DIAPH1: variants seen among roughly 807,000 people sequenced by gnomAD.
DIAPH1 encodes diaphanous related formin 1.
DIAPH1 carries 46 observed loss-of-function variants against 140.7 expected under a neutral mutation model. The observed-to-expected ratio is 0.33, with a 90% CI of 0.26 to 0.42. The LOEUF is 0.42. Among genes scored for constraint, DIAPH1 ranks in the 10% least tolerant of loss-of-function variants. DIAPH1 has a pLI of 1.00. For synonymous variants in DIAPH1, 565 were observed against 551.6 expected (o/e 1.02, Z -0.34); for missense variants, 1,310 against 1,558.7 (o/e 0.84, Z 2.69).
At chr5:141,540,217 A>T (rs2099889764) in intron 18 of DIAPH1, among the ~76,000 whole-genome samples, 1 of 151,950 alleles carries the variant, frequency 6.6e-6, no homozygotes, top group Non-Finnish European at 1.5e-5. Flanking sequence ...CCTGGGTTCA[A>T]GCAATCCTCC....
intron 27 of DIAPH1, 106 bp from the exon 28 acceptor site, chr5:141,517,114 G>T: frequency 7.4e-7 from 1 of 1,353,650 alleles, no homozygotes; most frequent in Non-Finnish European, 1.0e-6. Flanking sequence ...TGACTACCTT[G>T]GCCACTTCAC....
chr5:141,590,044 C>T (rs1356841740), intron 1 of DIAPH1, among the ~76,000 whole-genome samples: 1 of 152,094 alleles, frequency 6.6e-6, no homozygotes, highest in Non-Finnish European at 1.5e-5. Context: ...TACCACCGTA[C>T]CCAGTTGGTA....
Position 141,516,935 on chromosome 5 carries a change from A to C in DIAPH1, c.3735T>G (p.Ala1245=), listed in dbSNP as rs771335028. The C allele has an allele frequency of 6.2e-7, 1 of 1,614,274 alleles. No individual in the cohort carries two copies. Among genetic ancestry groups the C allele is most frequent in the South Asian group, 1.1e-5 (1 of 91,088 alleles). The change falls in exon 28 of 28, where the codon GCT becomes GCG. Residue 1245 remains alanine (A), a synonymous_variant. Coordinates refer to ENST00000389054, the MANE Select transcript of DIAPH1 (RefSeq NM_005219.5). ...SELTKDDAMA[A]VPAKVSKNSE... ...TGTTCTTGGACACCTTGGCAGGAAC[A>C]GCAGCCATGGCATCATCCTTGGTCA... is the stretch of plus-strand genomic sequence containing the variant.
intron 18 of DIAPH1, among the ~76,000 whole-genome samples, chr5:141,550,002 T>C (rs769141511): frequency 4.1e-4 from 63 of 152,022 alleles, no homozygotes; most frequent in Admixed American, 1.6e-3. Flanking sequence ...AGAGCAAGGA[T>C]ACAGAAAGGA....
intron 1 of DIAPH1, among the ~76,000 whole-genome samples, chr5:141,591,370 C>T (rs2099898377): frequency 6.6e-6 from 1 of 151,950 alleles, no homozygotes; most frequent in Admixed American, 6.6e-5. Context: ...GACTAAGTTA[C>T]TTGATGGCAG....
chr5:141,572,788 C>A lies in DIAPH1; in HGVS notation c.2358+704G>T, dbSNP rs973088538. ...AACTCAAAAAAAAAAAAAAAAATGG[C>A]CTGTGTAACTCACATCCTGCGGAAT... On this transcript the variant is annotated intron_variant, in intron 16 of 27. Transcript: ENST00000389054. Among the ~76,000 whole-genome samples, 9 of 151,530 alleles carry A rather than the reference C, an allele frequency of 5.9e-5. No homozygotes were observed. In the East Asian group the frequency reaches 1.7e-3, roughly 29 times the overall value.
At chr5:141,606,433 C>T (rs530070138) in intron 1 of DIAPH1, among the ~76,000 whole-genome samples, 8 of 152,280 alleles carry the variant, frequency 5.3e-5, no homozygotes, top group African/African-American at 1.7e-4. Context: ...CTCGCTCTGT[C>T]GCCCAGGCTG....
Position 141,580,580 on chromosome 5 carries a change from A to G in DIAPH1, c.824+164T>C, listed in dbSNP as rs191766712. Reference sequence around the variant, plus strand: ...TCAGGATAGCACCCATCACTTAGGAATTGTTCTTAAATTTTAAGATGCTTA... The same window carrying G: ...TCAGGATAGCACCCATCACTTAGGAGTTGTTCTTAAATTTTAAGATGCTTA... On this transcript the variant is annotated intron_variant, in intron 8 of 27. Transcript: ENST00000389054. Among the ~76,000 whole-genome samples, 1,152 of 152,302 alleles carry G rather than the reference A, an allele frequency of 7.6e-3. 19 individuals carry two copies. Among genetic ancestry groups the G allele is most frequent in the African/African-American group, 0.026 (1,094 of 41,556 alleles).
intron 1 of DIAPH1, among the ~76,000 whole-genome samples, chr5:141,615,031 C>T (rs996419837): frequency 4.6e-5 from 7 of 152,190 alleles, no homozygotes; most frequent in Non-Finnish European, 1.0e-4. Flanking sequence ...TACTACTAAA[C>T]ATTTATACTC....
intron 18 of DIAPH1, chr5:141,563,822 T>C (rs2154596023): frequency 6.6e-6 from 1 of 152,260 alleles, no homozygotes; most frequent in South Asian, 2.1e-4. Context: ...ACACAAAGGG[T>C]TGACTTTGAC....
At chr5:141,577,442 A>G (rs757633067) in intron 12 of DIAPH1, 33 bp downstream of exon 12, 2 of 1,451,752 alleles carry the variant, frequency 1.4e-6, no homozygotes, top group South Asian at 1.1e-5. Context: ...CTTAGGCTCA[A>G]ATTCAAAACT....
At chr5:141,541,779 A>C (rs1051304793) in intron 18 of DIAPH1, among the ~76,000 whole-genome samples, 4 of 152,036 alleles carry the variant, frequency 2.6e-5, no homozygotes, top group African/African-American at 9.7e-5. Flanking sequence ...AAAGCAAATA[A>C]ATAAATAGAA....
Position 141,528,456 on chromosome 5 carries a change from G to A in DIAPH1, c.3145C>T (p.Arg1049Ter), listed in dbSNP as rs863225243. The change falls in exon 23 of 28, where the codon CGA (arginine) becomes TGA (stop). Residue 1049 changes from arginine to a stop codon, truncating the protein, a stop_gained. Coordinates refer to ENST00000389054, the MANE Select transcript of DIAPH1 (RefSeq NM_005219.5). LOFTEE classifies it high-confidence loss of function. The stretch of plus-strand genomic sequence containing the variant: ...GCTTCATTCCAAACTGCCCCACCTC[G>A]GCTGGCTTTCTCCACATGGGCAAGC... ...DELAHVEKAS[R>*]VSAENLQKNL... 4 of 1,614,098 alleles carry A rather than the reference G, an allele frequency of 2.5e-6. No homozygotes were observed. The Middle Eastern group carries it at 5.0e-4, about 200-fold the overall frequency.
Position 141,572,046 on chromosome 5 carries a change from G to A in DIAPH1, c.2359-6C>T, listed in dbSNP as rs749683105. 1 of 1,596,712 alleles carries A rather than the reference G, an allele frequency of 6.3e-7. No individual in the cohort carries two copies. Among genetic ancestry groups the A allele is most frequent in the Non-Finnish European group, 8.6e-7 (1 of 1,164,058 alleles). The stretch of plus-strand genomic sequence containing the variant: ...GAGAGGTCCTCAGCCACAAGCTGTG[G>A]ATAAAGGCAGGGTGTTAAGAATTAG... On this transcript the variant is annotated splice_polypyrimidine_tract_variant and splice_region_variant and intron_variant, in intron 16 of 27. Coordinates refer to ENST00000389054, the MANE Select transcript of DIAPH1 (RefSeq NM_005219.5).
intron 1 of DIAPH1, among the ~76,000 whole-genome samples, chr5:141,617,931 T>C (rs1181067514): frequency 1.3e-5 from 2 of 152,118 alleles, no homozygotes; most frequent in Non-Finnish European, 1.5e-5. Context: ...CAAGAGGCAG[T>C]AGAAAAGGAG....
chr5:141,562,826 T>C (rs1387626326), intron 18 of DIAPH1, among the ~76,000 whole-genome samples: 6 of 152,156 alleles, frequency 3.9e-5, no homozygotes, highest in African/African-American at 1.4e-4. Flanking sequence ...AACAGTGCCT[T>C]TTCCTTAAGG....
chr5:141,593,630 G>A (rs1251348658), intron 1 of DIAPH1, among the ~76,000 whole-genome samples: 1 of 152,212 alleles, frequency 6.6e-6, no homozygotes, highest in African/African-American at 2.4e-5. Flanking sequence ...TAGTGTAAGT[G>A]AGGAGGAATT....
intron 18 of DIAPH1, among the ~76,000 whole-genome samples, chr5:141,544,908 A>C (rs2099890555): frequency 6.6e-6 from 1 of 152,238 alleles, no homozygotes; most frequent in Admixed American, 6.5e-5. Flanking sequence ...TTATCCCTCC[A>C]AAATGAAAAT....
chr5:141,606,770 C>T (rs2099901045), intron 1 of DIAPH1, among the ~76,000 whole-genome samples: 1 of 152,092 alleles, frequency 6.6e-6, no homozygotes, highest in African/African-American at 2.4e-5. Context: ...CAAGTCAAAA[C>T]TATCTCTCCA....
Sources: gnomAD v4.1 joint callset for allele counts (sites outside exome capture counted in the v4.1 genomes callset) on GRCh38, gnomAD v4.1.1 for gene constraint, MANE v1.5 for transcripts, NCBI Gene and HGNC (gene_info 2026-07-23, HGNC 2026-07-21) for gene names.